Variants in AGBL4 observed in about 807,000 individuals in gnomAD.
AGBL4 encodes the protein AGBL carboxypeptidase 4, also known as cytosolic carboxypeptidase 6.
In AGBL4, 58 loss-of-function variants were observed where a neutral mutation model predicts 66.4. That is an observed-to-expected ratio of 0.87 (90% CI 0.71 to 1.09). The LOEUF is 1.09. Among genes scored for constraint, AGBL4 ranks in the 50% least tolerant of loss-of-function variants. The pLI is 0.00. For missense variants in AGBL4, 579 were observed against 631.0 expected (o/e 0.92, Z 0.88); for synonymous variants, 234 against 222.9 (o/e 1.05, Z -0.44).
chr1:49,923,505 C>T (rs1020656584), intron 1 of AGBL4, among the ~76,000 whole-genome samples: 9 of 151,710 alleles, frequency 5.9e-5, no homozygotes, highest in African/African-American at 1.7e-4. Context: ...GCAAAAGAAA[C>T]GATCAACAGA....
chr1:49,120,900 A>G (rs1373102358), intron 4 of AGBL4, among the ~76,000 whole-genome samples: 1 of 151,810 alleles, frequency 6.6e-6, no homozygotes, highest in Non-Finnish European at 1.5e-5. Context: ...GGCTTTGTTA[A>G]TTTCTTTTTC....
intron 3 of AGBL4, among the ~76,000 whole-genome samples, chr1:49,695,579 T>C (rs1243798165): frequency 2.0e-5 from 3 of 152,222 alleles, no homozygotes; most frequent in Non-Finnish European, 4.4e-5. Flanking sequence ...CTACTGTTAC[T>C]GTGAAAAACT....
chr1:49,746,577 T>A (rs1651003239), intron 2 of AGBL4, among the ~76,000 whole-genome samples: 1 of 152,020 alleles, frequency 6.6e-6, no homozygotes, highest in Admixed American at 6.6e-5. Context: ...CACTTCAATC[T>A]CCCAAGTAGC....
At chr1:49,939,291 A>G (rs1246636309) in intron 1 of AGBL4, among the ~76,000 whole-genome samples, 2 of 150,820 alleles carry the variant, frequency 1.3e-5, no homozygotes. Flanking sequence ...GGTAATTTAT[A>G]GATTCAATGC....
chr1:48,927,023 A>G (rs1286542660), intron 5 of AGBL4, among the ~76,000 whole-genome samples: 1 of 151,830 alleles, frequency 6.6e-6, no homozygotes, highest in African/African-American at 2.4e-5. Context: ...TTTTTCCTTT[A>G]TTACCTTTTG....
intron 6 of AGBL4, among the ~76,000 whole-genome samples, chr1:48,699,059 C>T (rs1646759951): frequency 6.6e-6 from 1 of 152,198 alleles, no homozygotes. Flanking sequence ...TTCCTGGTCT[C>T]TCATGCCTGC....
intron 4 of AGBL4, among the ~76,000 whole-genome samples, chr1:49,220,002 T>C (rs970041284): frequency 5.9e-5 from 9 of 152,114 alleles, no homozygotes; most frequent in Non-Finnish European, 1.0e-4. Flanking sequence ...AGATAACCTA[T>C]GTAAAGCATG....
chr1:49,139,636 GTA>G (rs1243263750), intron 4 of AGBL4, among the ~76,000 whole-genome samples: 3 of 152,158 alleles, frequency 2.0e-5, no homozygotes, highest in Non-Finnish European at 4.4e-5. Flanking sequence ...AGCACTGTAT[GTA>G]TAATAATTGG....
intron 2 of AGBL4, among the ~76,000 whole-genome samples, chr1:49,723,892 G>T (rs1289786781): frequency 6.6e-6 from 1 of 152,046 alleles, no homozygotes; most frequent in African/African-American, 2.4e-5. Flanking sequence ...TCTTCTATAT[G>T]CATGGAAACC....
intron 3 of AGBL4, among the ~76,000 whole-genome samples, chr1:49,256,190 TA>T (rs138193586): frequency 0.12 from 18,709 of 152,122 alleles, 1,509 homozygotes; most frequent in Non-Finnish European, 0.18. Context: ...ACAAATTTTT[TA>T]AAAAAGATAA....
At chr1:49,231,128 C>A (rs1650278273) in intron 4 of AGBL4, among the ~76,000 whole-genome samples, 1 of 152,070 alleles carries the variant, frequency 6.6e-6, no homozygotes. Context: ...GGTCATATAG[C>A]CTTAATTCTT....
intron 5 of AGBL4, among the ~76,000 whole-genome samples, chr1:48,945,579 G>C (rs1054383865): frequency 1.3e-5 from 2 of 152,182 alleles, no homozygotes; most frequent in African/African-American, 4.8e-5. Context: ...AGCATTAAGT[G>C]AGAACAAGTA....
intron 4 of AGBL4, among the ~76,000 whole-genome samples, chr1:49,122,106 A>G (rs931086310): frequency 6.6e-6 from 1 of 152,228 alleles, no homozygotes; most frequent in Non-Finnish European, 1.5e-5. Context: ...TTTTCCAGGT[A>G]CACACTGTCA....
intron 3 of AGBL4, among the ~76,000 whole-genome samples, chr1:49,424,905 A>G (rs1645623133): frequency 6.6e-6 from 1 of 152,136 alleles, no homozygotes; most frequent in African/African-American, 2.4e-5. Context: ...CCTGGTGAGG[A>G]AATGAAGATC....
At chr1:49,015,195 G>T (rs1478083106) in intron 5 of AGBL4, among the ~76,000 whole-genome samples, 1 of 151,986 alleles carries the variant, frequency 6.6e-6, no homozygotes, top group Admixed American at 6.6e-5. Context: ...GGTTTTTTTG[G>T]GGGGAGTTGA....
In AGBL4 at chr1:49,330,137, C is replaced by T. The variant is rs117123275; in HGVS notation, c.283-84273G>A. 4.7e-4 allele frequency among the ~76,000 whole-genome samples: 71 copies of T among 152,326 alleles called. No homozygotes were observed. In the East Asian group the frequency reaches 0.013, roughly 27 times the overall value. ...TAACCTCCTTTAAAATTCTTTTGGC[C>T]AGACATGGTGGCTTCGCACCTGTAA... On this transcript the variant is annotated intron_variant, in intron 3 of 13. Coordinates refer to ENST00000371839, the MANE Select transcript of AGBL4 (RefSeq NM_032785.4).
intron 4 of AGBL4, among the ~76,000 whole-genome samples, chr1:49,197,671 G>A (rs555316646): frequency 2.6e-5 from 4 of 152,230 alleles, no homozygotes; most frequent in African/African-American, 9.6e-5. Context: ...GGAGCTTTTC[G>A]GGATATTCAG....
At chr1:49,448,676 G>A (rs2148678788) in intron 3 of AGBL4, among the ~76,000 whole-genome samples, 1 of 152,256 alleles carries the variant, frequency 6.6e-6, no homozygotes, top group East Asian at 1.9e-4. Flanking sequence ...ATTACCAGAA[G>A]GGAGGAAAGA....
At chr1:48,545,497 G>A (rs1298945617) in intron 11 of AGBL4, among the ~76,000 whole-genome samples, 1 of 152,138 alleles carries the variant, frequency 6.6e-6, no homozygotes, top group Non-Finnish European at 1.5e-5. Flanking sequence ...GGCAAGGAGA[G>A]GCAATAATTC....
Sources: allele counts gnomAD v4.1 joint callset (sites outside exome capture counted in the v4.1 genomes callset), GRCh38; gene constraint gnomAD v4.1.1; transcripts MANE v1.5; gene names NCBI Gene and HGNC (gene_info 2026-07-23, HGNC 2026-07-21).